Variants in LRIG2 observed in about 807,000 individuals in gnomAD.
LRIG2 encodes leucine rich repeats and immunoglobulin like domains 2, also known as leucine-rich repeats and immunoglobulin-like domains protein 2.
A neutral mutation model predicts 107.8 loss-of-function variants in LRIG2; 93 were observed. The observed-to-expected ratio is 0.86, with a 90% CI of 0.73 to 1.03. The LOEUF (loss-of-function observed/expected upper bound fraction) is 1.03, where lower values mean the gene tolerates loss of function less well. LRIG2 is among the 50% of genes least tolerant of loss of function. The pLI is 0.00. For missense variants in LRIG2, 1,226 were observed against 1,296.0 expected (o/e 0.95, Z 0.83); for synonymous variants, 471 against 470.6 (o/e 1.00, Z -0.01).
rs747734346 is a variant in LRIG2 at position 113,110,520 on chromosome 1, T to G, written c.1756T>G (p.Phe586Val). ...GKYQCIVTNHFGSNYSQKAKL... is the reference protein window; with the variant it reads ...GKYQCIVTNHVGSNYSQKAKL... ...ATATCAGTGTATTGTTACTAATCAC[T>G]TTGGTTCTAATTATTCTCAGAAAGC... The change falls in exon 13 of 18, where the codon TTT becomes GTT. Residue 586 changes from phenylalanine to valine, a missense_variant. Physicochemically the swap from Phe to Val is conservative, Grantham distance 50 (BLOSUM62 -1). Around this residue, in one of 3 missense-constraint regions of LRIG2, gnomAD observed 642 missense variants for 712.2 expected, o/e 0.90. Transcript: ENST00000361127. 9.3e-6 allele frequency: 15 copies of G among 1,612,412 alleles called. No individual in the cohort carries two copies. The Admixed American group carries it at 2.5e-4, about 27-fold the overall frequency.
At chr1:113,103,219 T>C (rs1654380405) in intron 11 of LRIG2, 1 of 152,212 alleles carries the variant, frequency 6.6e-6, no homozygotes, top group African/African-American at 2.4e-5. Flanking sequence ...GGCCTAGCTG[T>C]GTAAAATCCA....
Position 113,125,220 on chromosome 1 carries a change from C to A in LRIG2, c.*1119C>A, listed in dbSNP as rs750846953. 1 of 152,100 alleles carries A rather than the reference C, an allele frequency of 6.6e-6. No homozygotes were observed. The highest frequency in any genetic ancestry group is 1.5e-5 in the Non-Finnish European group (1 of 68,006). The allele number at this position is 152,100 out of a possible 1,614,324, so 9.4% of individuals were successfully genotyped here. A position where few individuals can be genotyped will look rare whatever the true frequency, so the allele number is the denominator to read the frequency against. ...AAAACTTACTTGTTAAGAAGTGTATCTATAGAGGCAGCTACTTAGTGATTG... is the reference window on the plus strand; with the variant it reads ...AAAACTTACTTGTTAAGAAGTGTATATATAGAGGCAGCTACTTAGTGATTG... On this transcript the variant is annotated 3_prime_UTR_variant, in exon 18 of 18. Transcript: ENST00000361127.
At chr1:113,100,379 A>G (rs2101043331) in intron 10 of LRIG2, 41 bp from the exon 11 acceptor site, 1 of 1,434,390 alleles carries the variant, frequency 7.0e-7, no homozygotes, top group East Asian at 2.3e-5. Context: ...AACTTGATAT[A>G]GAAATGGTGA....
At chr1:113,120,370 A>G (rs1013912483) in intron 17 of LRIG2, among the ~76,000 whole-genome samples, 4 of 151,906 alleles carry the variant, frequency 2.6e-5, no homozygotes, top group African/African-American at 9.7e-5. Flanking sequence ...GAATCACTTA[A>G]GCTCGAGATG....
intron 1 of LRIG2, among the ~76,000 whole-genome samples, chr1:113,086,000 G>GTTTTT (rs34131524): frequency 1.8e-4 from 12 of 65,002 alleles, no homozygotes; most frequent in Non-Finnish European, 2.5e-4. Flanking sequence ...TAACCCTGAG[G>GTTTTT]TTTTTTTTTT....
intron 1 of LRIG2, among the ~76,000 whole-genome samples, chr1:113,082,676 C>T (rs888785544): frequency 6.6e-6 from 1 of 152,076 alleles, no homozygotes; most frequent in African/African-American, 2.4e-5. Context: ...TTATTTGAGA[C>T]GAAGTCTCTC....
intron 13 of LRIG2, among the ~76,000 whole-genome samples, chr1:113,111,649 G>C (rs1654780059): frequency 6.6e-6 from 1 of 152,172 alleles, no homozygotes; most frequent in South Asian, 2.1e-4. Context: ...CTTAAAAACA[G>C]CTTGATTTAT....
intron 1 of LRIG2, among the ~76,000 whole-genome samples, chr1:113,090,836 T>G (rs1653780519): frequency 8.1e-6 from 1 of 124,002 alleles, no homozygotes; most frequent in Admixed American, 9.4e-5. Flanking sequence ...AGACTCCGTC[T>G]CAAAAAGAAA....
At position 113,095,969 on chromosome 1, in the gene LRIG2, A is replaced by G. The variant is rs564545404; in HGVS notation, c.899A>G (p.Glu300Gly). The G allele has an allele frequency of 1.2e-6, 2 of 1,614,164 alleles. No homozygotes were observed. Among genetic ancestry groups the G allele is most frequent in the East Asian group, 4.5e-5 (2 of 44,874 alleles). ...CTCTATGTGAGCCAGAATGCTATTG[A>G]AAGAATCAGCCCTGATGCATGGGAG... ...QQLYVSQNAI[E>G]RISPDAWEFC... Residue 300 changes from glutamate to glycine, a missense_variant, in exon 7 of 18, where the codon GAA becomes GGA. Around this residue, in one of 3 missense-constraint regions of LRIG2, gnomAD observed 570 missense variants for 550.2 expected, o/e 1.04. Transcript: ENST00000361127.
chr1:113,131,924 T>C lies in LRIG2; in HGVS notation c.*7823T>C, dbSNP rs1267956876. The C allele has an allele frequency of 6.6e-6, 1 of 152,032 alleles. No individual in the cohort carries two copies. The highest frequency in any genetic ancestry group is 1.5e-5 in the Non-Finnish European group (1 of 67,996). The allele number at this position is 152,032 out of a possible 1,614,324, so 9.4% of individuals were successfully genotyped here. ...TAAAGGAGTAAAGTGATCTACAAAC[T>C]GTAACTATCTTGAAAGAGAAATTGA... is the stretch of plus-strand genomic sequence containing the variant. On this transcript the variant is annotated 3_prime_UTR_variant, in exon 18 of 18. Coordinates refer to ENST00000361127, the MANE Select transcript of LRIG2 (RefSeq NM_014813.3).
chr1:113,122,740 T>C (rs1655318508), intron 17 of LRIG2, among the ~76,000 whole-genome samples: 2 of 152,174 alleles, frequency 1.3e-5, no homozygotes. Context: ...AGCATCACCG[T>C]TACCTAAGAG....
chr1:113,094,984 A>ATTTT (rs33950364), intron 6 of LRIG2, among the ~76,000 whole-genome samples: 68,394 of 139,490 alleles, frequency 0.49, 18,750 homozygotes, highest in Non-Finnish European at 0.64. Context: ...ATATATATAT[A>ATTTT]TTTTTTTTGA....
At position 113,131,746 on chromosome 1, in the gene LRIG2, A is replaced by G. The variant is rs996274811; in HGVS notation, c.*7645A>G. On this transcript the variant is annotated 3_prime_UTR_variant, in exon 18 of 18. Transcript: ENST00000361127. ...AGAGATATGTTACAAGCTGCACTTA[A>G]CACCACCTGAAAACCCAAGAATCAT... The G allele has an allele frequency of 6.6e-6, 1 of 152,062 alleles. No homozygotes were observed. The highest frequency in any genetic ancestry group is 2.4e-5 in the African/African-American group (1 of 41,402). The allele number at this position is 152,062 out of a possible 1,614,324, so 9.4% of individuals were successfully genotyped here.
At chr1:113,109,391 C>T (rs1570760071) in intron 12 of LRIG2, among the ~76,000 whole-genome samples, 1 of 152,346 alleles carries the variant, frequency 6.6e-6, no homozygotes, top group East Asian at 1.9e-4. Context: ...TTTTTCACTA[C>T]TTCAGGTGAA....
At chr1:113,107,447 G>T in intron 11 of LRIG2, 147 bp from the exon 12 acceptor site, 2 of 638,734 alleles carry the variant, frequency 3.1e-6, no homozygotes, top group Non-Finnish European at 5.0e-6. Context: ...AAGAATTTTG[G>T]CTGACAGTCT....
At chr1:113,117,919 T>C (rs981520554) in intron 16 of LRIG2, among the ~76,000 whole-genome samples, 1 of 151,864 alleles carries the variant, frequency 6.6e-6, no homozygotes, top group Non-Finnish European at 1.5e-5. Context: ...TTTTTTTTGT[T>C]TGTTTTTTGG....
At chr1:113,086,434 A>G (rs932621592) in intron 1 of LRIG2, among the ~76,000 whole-genome samples, 17 of 152,174 alleles carry the variant, frequency 1.1e-4, no homozygotes, top group South Asian at 4.1e-4. Context: ...TAGATACAAT[A>G]TTTTCTTATG....
At chr1:113,091,863 T>C (rs552607413) in intron 2 of LRIG2, among the ~76,000 whole-genome samples, 1 of 152,362 alleles carries the variant, frequency 6.6e-6, no homozygotes, top group South Asian at 2.1e-4. Flanking sequence ...TACTGAGATG[T>C]ATTATGTAAT....
chr1:113,074,201 G>A (rs1258410692), intron 1 of LRIG2, among the ~76,000 whole-genome samples: 4 of 152,166 alleles, frequency 2.6e-5, no homozygotes, highest in Admixed American at 6.6e-5. Context: ...GATGAATCAG[G>A]AGATCCTGTA....
Sources: allele counts gnomAD v4.1 joint callset (sites outside exome capture counted in the v4.1 genomes callset), GRCh38; gene constraint gnomAD v4.1.1; regional missense constraint gnomAD v4.1.1; transcripts MANE v1.5; gene names NCBI Gene and HGNC (gene_info 2026-07-23, HGNC 2026-07-21).